BDNF: variants seen among roughly 807,000 people sequenced by gnomAD.
The protein encoded by BDNF is brain derived neurotrophic factor.
In BDNF, 1 loss-of-function variant was observed where a neutral mutation model predicts 19.5. The ratio of observed to expected loss-of-function variants is 0.05; its 90% CI spans 0.02 to 0.24. The LOEUF is 0.24. Among genes scored for constraint, BDNF ranks in the 10% least tolerant of loss-of-function variants. BDNF has a pLI of 1.00. For missense variants in BDNF, 195 were observed against 317.6 expected (o/e 0.61, Z 2.93); for synonymous variants, 100 against 121.6 (o/e 0.82, Z 1.17).
At chr11:27,685,282 T>C (rs183378823) in intron 1 of BDNF, among the ~76,000 whole-genome samples, 115 of 152,332 alleles carry the variant, frequency 7.5e-4, no homozygotes, top group African/African-American at 2.2e-3. Context: ...TTGATTCTTC[T>C]CTCTTTTCTT....
At chr11:27,699,600 C>A in intron 1 of BDNF, 1 of 1,475,316 alleles carries the variant, frequency 6.8e-7, no homozygotes, top group Non-Finnish European at 9.0e-7. Context: ...CCAAGTTTTC[C>A]AAGCTACATT....
At chr11:27,663,339 G>A (rs1207263633) in intron 1 of BDNF, among the ~76,000 whole-genome samples, 2 of 152,188 alleles carry the variant, frequency 1.3e-5, no homozygotes, top group African/African-American at 4.8e-5. Flanking sequence ...TCTATAAAAT[G>A]CTAGGAAGGC....
At chr11:27,684,555 T>C (rs1194198252) in intron 1 of BDNF, among the ~76,000 whole-genome samples, 1 of 152,230 alleles carries the variant, frequency 6.6e-6, no homozygotes. Flanking sequence ...ATAGCTCTTA[T>C]TATTTTGAGA....
At chr11:27,702,848 C>T (rs998300629), upstream of BDNF, among the ~76,000 whole-genome samples, 1 of 152,238 alleles carries the variant, frequency 6.6e-6, no homozygotes, top group South Asian at 2.1e-4. Flanking sequence ...AGGGACAAGA[C>T]TTCAGTGAAC....
chr11:27,702,771 T>G (rs576611719), upstream of BDNF, among the ~76,000 whole-genome samples: 160 of 152,270 alleles, frequency 1.1e-3, 2 homozygotes, highest in African/African-American at 3.6e-3. Context: ...TATTTACCCG[T>G]TTTATAAAAG....
chr11:27,680,892 T>G (rs1418622089), intron 1 of BDNF, among the ~76,000 whole-genome samples: 3 of 152,174 alleles, frequency 2.0e-5, no homozygotes, highest in African/African-American at 7.2e-5. Context: ...AGAATAGAAA[T>G]AAGTTGCCAA....
intron 1 of BDNF, among the ~76,000 whole-genome samples, chr11:27,715,957 T>C (rs1409700229): frequency 2.6e-5 from 4 of 152,204 alleles, no homozygotes; most frequent in African/African-American, 9.7e-5. Context: ...TAGGATTGTT[T>C]TATAATGTTG....
chr11:27,710,292 T>G (rs1860272821), intron 1 of BDNF, among the ~76,000 whole-genome samples: 1 of 152,208 alleles, frequency 6.6e-6, no homozygotes, highest in Non-Finnish European at 1.5e-5. Flanking sequence ...ATCCCTCATT[T>G]AAAACCACAT....
At chr11:27,683,358 C>T (rs1857086736) in intron 1 of BDNF, among the ~76,000 whole-genome samples, 1 of 152,090 alleles carries the variant, frequency 6.6e-6, no homozygotes, top group Non-Finnish European at 1.5e-5. Context: ...CTGTCGGTTG[C>T]CTGTTCACTC....
intron 1 of BDNF, among the ~76,000 whole-genome samples, chr11:27,685,270 A>T (rs1373670618): frequency 6.6e-6 from 1 of 152,052 alleles, no homozygotes; most frequent in Non-Finnish European, 1.5e-5. Flanking sequence ...TATTGCGTCT[A>T]TTTGATTCTT....
chr11:27,661,328 T>C (rs1655676427), intron 1 of BDNF, among the ~76,000 whole-genome samples: 1 of 152,162 alleles, frequency 6.6e-6, no homozygotes, highest in Non-Finnish European at 1.5e-5. Context: ...TTTCTAACAA[T>C]GGTTCCCTGA....
chr11:27,711,925 A>C (rs966997808), intron 1 of BDNF, among the ~76,000 whole-genome samples: 2 of 152,156 alleles, frequency 1.3e-5, no homozygotes, highest in Admixed American at 6.5e-5. Flanking sequence ...TGAACTTTTT[A>C]TCTTTTTCAA....
At chr11:27,688,469 C>T (rs187992443) in intron 1 of BDNF, among the ~76,000 whole-genome samples, 184 of 152,312 alleles carry the variant, frequency 1.2e-3, no homozygotes, top group South Asian at 5.2e-3. Flanking sequence ...GAAAAAACTC[C>T]TGCAGCTAAC....
intron 1 of BDNF, among the ~76,000 whole-genome samples, chr11:27,681,523 T>C (rs979572222): frequency 6.6e-5 from 10 of 152,138 alleles, no homozygotes; most frequent in Admixed American, 6.6e-4. Context: ...AGAGTCTTTC[T>C]AGAAACAGGA....
chr11:27,720,180 C>T (rs964559061), intron 1 of BDNF, among the ~76,000 whole-genome samples: 1 of 152,000 alleles, frequency 6.6e-6, no homozygotes, highest in Non-Finnish European at 1.5e-5. Context: ...CTCCCTTTGC[C>T]CCAGGGTTCT....
At chr11:27,683,586 C>T (rs1379062051) in intron 1 of BDNF, among the ~76,000 whole-genome samples, 3 of 151,830 alleles carry the variant, frequency 2.0e-5, no homozygotes, top group East Asian at 1.9e-4. Context: ...TTTTGTATAA[C>T]GTGTAAGGAA....
intron 1 of BDNF, chr11:27,674,044 GCT>G: frequency 1.3e-6 from 2 of 1,575,036 alleles, no homozygotes; most frequent in Non-Finnish European, 8.6e-7. Flanking sequence ...AAGGCTATTA[GCT>G]CTCTGTTACT....
rs571827134 is a variant in BDNF, at chr11:27,692,510, T to A, written c.-22+7654A>T. Among the ~76,000 whole-genome samples the A allele has an allele frequency of 1.9e-4, 29 of 152,156 alleles. 1 individual carries two copies. The South Asian group carries it at 5.8e-3, about 31-fold the overall frequency. ...GTGCCTGTCACCAGGCTTGGATAAT[T>A]TTTTTTGTCTTTTGTAAAGATGGGG... On this transcript the variant is annotated intron_variant, in intron 1 of 1. Coordinates refer to ENST00000356660, the MANE Select transcript of BDNF (RefSeq NM_001709.5).
chr11:27,659,686 CT>C (rs1282799673), intron 1 of BDNF: 1 of 997,318 alleles, frequency 1.0e-6, no homozygotes, highest in Admixed American at 6.2e-5. Flanking sequence ...GTTTATCCTA[CT>C]TTTAAAAAGC....
Sources: gnomAD v4.1 joint callset for allele counts (sites outside exome capture counted in the v4.1 genomes callset) on GRCh38, gnomAD v4.1.1 for gene constraint, MANE v1.5 for transcripts, NCBI Gene and HGNC (gene_info 2026-07-23, HGNC 2026-07-21) for gene names.